SMIM30: variants seen among roughly 807,000 people sequenced by gnomAD.
The protein encoded by SMIM30 is small integral membrane protein 30.
For synonymous variants in SMIM30, 19 were observed against 11.5 expected, an observed-to-expected ratio of 1.65 and a Z score of -1.31; for missense variants, 43 against 27.6, an observed-to-expected ratio of 1.56 and a Z score of -1.25.
chr7:113,118,158 C>T lies in SMIM30; in HGVS notation c.-120G>A, dbSNP rs1473608486. On this transcript the variant is annotated 5_prime_UTR_variant, in exon 2 of 3. The change creates a new upstream start codon in the 5' untranslated region. Coordinates refer to ENST00000397764, the MANE Select transcript of SMIM30 (RefSeq NM_001352688.2). The stretch of plus-strand genomic sequence containing the variant: ...TGAGATTAAGAGGTTCCACGTGACA[C>T]GACCTATTATTAGCATGGGGGGTGG... 6.7e-6 allele frequency: 3 copies of T among 445,744 alleles called. No individual in the cohort carries two copies. Among genetic ancestry groups the T allele is most frequent in the East Asian group, 7.2e-5 (1 of 13,874 alleles). 27.6% of individuals were successfully genotyped at this position (445,744 alleles called of 1,614,324 possible). A position where few individuals can be genotyped will look rare whatever the true frequency, so the allele number is the denominator to read the frequency against.
chr7:113,118,488 T>G, intron 1 of SMIM30, 40 bp downstream of exon 1: 3 of 456,230 alleles, frequency 6.6e-6, no homozygotes, highest in South Asian at 4.6e-5. Context: ...AATACACTGG[T>G]GCAACCTAAG....
rs1584573627 is a variant in SMIM30 at position 113,117,803 on chromosome 7, T to G, written c.-29-196A>C. ...CAGTAATTTGAGGTTCATCTCCCTATCTCGTGATAACACTCTAAACCCAGG... is the reference window on the plus strand; with the variant it reads ...CAGTAATTTGAGGTTCATCTCCCTAGCTCGTGATAACACTCTAAACCCAGG... On this transcript the variant is annotated intron_variant, in intron 2 of 2. Transcript: ENST00000397764. 5 of 554,414 alleles carry G rather than the reference T, an allele frequency of 9.0e-6. No individual in the cohort carries two copies. The East Asian group carries it at 1.6e-4, about 18-fold the overall frequency. The allele number at this position is 554,414 out of a possible 1,614,324, so 34.3% of individuals were successfully genotyped here. A position where few individuals can be genotyped will look rare whatever the true frequency, so the allele number is the denominator to read the frequency against.
rs60898382 is a variant in SMIM30 at position 113,116,838 on chromosome 7, G to GT, written c.*560dup. 0.29 allele frequency: 43,484 copies of GT among 151,318 alleles called. 7,887 individuals carry two copies. Among genetic ancestry groups the GT allele is most frequent in the African/African-American group, 0.52 (21,262 of 41,204 alleles). 9.4% of individuals were successfully genotyped at this position (151,318 alleles called of 1,614,324 possible). A position where few individuals can be genotyped will look rare whatever the true frequency, so the allele number is the denominator to read the frequency against. On this transcript the variant is annotated 3_prime_UTR_variant, in exon 3 of 3. Transcript: ENST00000397764. ...TCTCTTTTCCATGTCAATGTCTATA[G>GT]TTTTTTTTTAACATTAAATTTTTTT... is the stretch of plus-strand genomic sequence containing the variant.
In SMIM30 at chr7:113,117,160, C is replaced by G. The variant is rs1374646186; in HGVS notation, c.*239G>C. 3 of 460,866 alleles carry G rather than the reference C, an allele frequency of 6.5e-6. No individual in the cohort carries two copies. Among genetic ancestry groups the G allele is most frequent in the Non-Finnish European group, 1.2e-5 (3 of 253,336 alleles). The allele number at this position is 460,866 out of a possible 1,614,324, so 28.5% of individuals were successfully genotyped here. A position where few individuals can be genotyped will look rare whatever the true frequency, so the allele number is the denominator to read the frequency against. ...TATGTAAATTTCAGCCATCTTACTT[C>G]TTTGACTACCTAACTAGCAAATTAT... is the stretch of plus-strand genomic sequence containing the variant. On this transcript the variant is annotated 3_prime_UTR_variant, in exon 3 of 3. Coordinates refer to ENST00000397764, the MANE Select transcript of SMIM30 (RefSeq NM_001352688.2).
rs1242801217 is a variant in SMIM30 at position 113,116,824 on chromosome 7, T to C, written c.*575A>G. 6.7e-6 allele frequency: 1 copy of C among 150,078 alleles called. No individual in the cohort carries two copies. Among genetic ancestry groups the C allele is most frequent in the Non-Finnish European group, 1.5e-5 (1 of 68,006 alleles). The allele number at this position is 150,078 out of a possible 1,614,324, so 9.3% of individuals were successfully genotyped here. A position where few individuals can be genotyped will look rare whatever the true frequency, so the allele number is the denominator to read the frequency against. ...TTCAAAACATTAAATCTCTTTTCCATGTCAATGTCTATAGTTTTTTTTTAA... is the reference window on the plus strand; with the variant it reads ...TTCAAAACATTAAATCTCTTTTCCACGTCAATGTCTATAGTTTTTTTTTAA... On this transcript the variant is annotated 3_prime_UTR_variant, in exon 3 of 3. Transcript: ENST00000397764.
At chr7:113,118,326 G>A (rs1373224543) in intron 1 of SMIM30, 165 bp from the exon 2 acceptor site, 1 of 433,824 alleles carries the variant, frequency 2.3e-6, no homozygotes, top group African/African-American at 2.0e-5. Context: ...TGTCCAACAG[G>A]GAACTAGACT....
intron 2 of SMIM30, chr7:113,117,823 C>T (rs949676400): frequency 5.9e-6 from 3 of 508,950 alleles, no homozygotes; most frequent in African/African-American, 5.8e-5. Flanking sequence ...ACACTCTAAA[C>T]CCAGGAATTT....
chr7:113,117,038 T>C lies in SMIM30; in HGVS notation c.*361A>G. The C allele has an allele frequency of 4.4e-6, 1 of 227,234 alleles. No homozygotes were observed. 14.1% of individuals were successfully genotyped at this position (227,234 alleles called of 1,614,324 possible). A position where few individuals can be genotyped will look rare whatever the true frequency, so the allele number is the denominator to read the frequency against. ...TCAACGATTCAGGAGGCAGTGATTATAACCGAACAGTGGTGATTTCCTAAG... is the reference window on the plus strand; with the variant it reads ...TCAACGATTCAGGAGGCAGTGATTACAACCGAACAGTGGTGATTTCCTAAG... On this transcript the variant is annotated 3_prime_UTR_variant, in exon 3 of 3. Transcript: ENST00000397764.
rs949542531 is a variant in SMIM30, at chr7:113,118,148, C to G, written c.-110G>C. 4.4e-6 allele frequency: 2 copies of G among 452,694 alleles called. No homozygotes were observed. The highest frequency in any genetic ancestry group is 2.0e-5 in the African/African-American group (1 of 49,596). 28.0% of individuals were successfully genotyped at this position (452,694 alleles called of 1,614,324 possible). On this transcript the variant is annotated 5_prime_UTR_variant, in exon 2 of 3. Transcript: ENST00000397764. ...CTCCGGATGCTGAGATTAAGAGGTT[C>G]CACGTGACACGACCTATTATTAGCA...
At chr7:113,117,681 G>C (rs1398619315) in intron 2 of SMIM30, 74 bp from the exon 3 acceptor site, 1 of 688,536 alleles carries the variant, frequency 1.5e-6, no homozygotes, top group Non-Finnish European at 2.6e-6. Context: ...ATGAACACAT[G>C]ACAAATAACA....
intron 2 of SMIM30, 141 bp from the exon 3 acceptor site, chr7:113,117,748 A>G: frequency 1.6e-6 from 1 of 613,266 alleles, no homozygotes; most frequent in Non-Finnish European, 2.9e-6. Flanking sequence ...TCCTCATCTT[A>G]TAGGTGGAAA....
At chr7:113,117,806 C>T (rs1794709751) in intron 2 of SMIM30, 199 bp from the exon 3 acceptor site, 2 of 547,294 alleles carry the variant, frequency 3.7e-6, no homozygotes, top group Admixed American at 3.1e-5. Context: ...CTCCCTATCT[C>T]GTGATAACAC....
chr7:113,118,175 G>A lies in SMIM30; in HGVS notation c.-123-14C>T. On this transcript the variant is annotated splice_polypyrimidine_tract_variant and intron_variant, in intron 1 of 2. Transcript: ENST00000397764. Reference sequence around the variant, plus strand: ...ACGTGACACGACCTATTATTAGCATGGGGGGTGGGGAGGGGGCGGAGAGAA... The same window carrying A: ...ACGTGACACGACCTATTATTAGCATAGGGGGTGGGGAGGGGGCGGAGAGAA... 1 of 435,704 alleles carries A rather than the reference G, an allele frequency of 2.3e-6. No individual in the cohort carries two copies. Among genetic ancestry groups the A allele is most frequent in the South Asian group, 1.7e-5 (1 of 60,428 alleles). The allele number at this position is 435,704 out of a possible 1,614,324, so 27.0% of individuals were successfully genotyped here.
Position 113,118,054 on chromosome 7 carries a change from T to A in SMIM30, c.-30+14A>T, listed in dbSNP as rs1794715721. 1 of 446,404 alleles carries A rather than the reference T, an allele frequency of 2.2e-6. No individual in the cohort carries two copies. The highest frequency in any genetic ancestry group is 4.5e-6 in the Non-Finnish European group (1 of 224,172). The allele number at this position is 446,404 out of a possible 1,614,324, so 27.7% of individuals were successfully genotyped here. A position where few individuals can be genotyped will look rare whatever the true frequency, so the allele number is the denominator to read the frequency against. The stretch of plus-strand genomic sequence containing the variant: ...TATAACTCTGCGAAGTTGTGGGGAA[T>A]TAATAAGACTTACCAAAGAAATGGT... On this transcript the variant is annotated intron_variant, in intron 2 of 2. Transcript: ENST00000397764.
intron 2 of SMIM30, 171 bp from the exon 3 acceptor site, chr7:113,117,778 C>T (rs1225510150): frequency 1.7e-6 from 1 of 579,492 alleles, no homozygotes; most frequent in Non-Finnish European, 3.1e-6. Flanking sequence ...ACGTTAAAGA[C>T]AGTAATTTGA....
intron 2 of SMIM30, 29 bp from the exon 3 acceptor site, chr7:113,117,636 A>C: frequency 1.4e-6 from 1 of 699,538 alleles, no homozygotes; most frequent in South Asian, 1.5e-5. Flanking sequence ...AACAAAAAGG[A>C]ACCATTAAAA....
In SMIM30 at chr7:113,118,529, T is replaced by C. The variant is rs761565935; in HGVS notation, c.-125A>G. The C allele has an allele frequency of 8.8e-6, 4 of 455,896 alleles. No individual in the cohort carries two copies. Among genetic ancestry groups the C allele is most frequent in the South Asian group, 6.2e-5 (4 of 64,556 alleles). The allele number at this position is 455,896 out of a possible 1,614,324, so 28.2% of individuals were successfully genotyped here. On this transcript the variant is annotated splice_region_variant and 5_prime_UTR_variant, in exon 1 of 3. Coordinates refer to ENST00000397764, the MANE Select transcript of SMIM30 (RefSeq NM_001352688.2). The stretch of plus-strand genomic sequence containing the variant: ...TTTGGAGACGAGTTCGTACATTACC[T>C]TCTAGGAAGCAGCCATTACAGGAAT...
chr7:113,118,532 T>C lies in SMIM30; in HGVS notation c.-128A>G, dbSNP rs1248461264. 8 of 455,724 alleles carry C rather than the reference T, an allele frequency of 1.8e-5. No individual in the cohort carries two copies. In the East Asian group the frequency reaches 4.2e-4, roughly 24 times the overall value. 28.2% of individuals were successfully genotyped at this position (455,724 alleles called of 1,614,324 possible). On this transcript the variant is annotated 5_prime_UTR_variant, in exon 1 of 3. It removes the in-frame stop codon of an upstream open reading frame in the 5' UTR. Coordinates refer to ENST00000397764, the MANE Select transcript of SMIM30 (RefSeq NM_001352688.2). ...GGAGACGAGTTCGTACATTACCTTCTAGGAAGCAGCCATTACAGGAATGGC... is the reference window on the plus strand; with the variant it reads ...GGAGACGAGTTCGTACATTACCTTCCAGGAAGCAGCCATTACAGGAATGGC...
intron 1 of SMIM30, 116 bp downstream of exon 1, chr7:113,118,412 A>G: frequency 2.2e-6 from 1 of 455,648 alleles, no homozygotes; most frequent in Non-Finnish European, 4.4e-6. Context: ...TCAGGACTTG[A>G]TATTAAGATT....
Sources: allele counts gnomAD v4.1 joint callset, GRCh38; gene constraint gnomAD v4.1.1; transcripts MANE v1.5; gene names NCBI Gene and HGNC (gene_info 2026-07-23, HGNC 2026-07-21).